The following ZNF493 variants were observed in gnomAD, a reference collection of about 807,000 sequenced individuals.
The protein encoded by ZNF493 is zinc finger protein 493.
In ZNF493, 11 loss-of-function variants were observed where a neutral mutation model predicts 12.2. That is an observed-to-expected ratio of 0.90 (90% CI 0.57 to 1.50). The LOEUF (loss-of-function observed/expected upper bound fraction) is 1.50, where lower values mean the gene tolerates loss of function less well. Among genes scored for constraint, ZNF493 ranks in the 40% most tolerant of loss-of-function variants. The probability of loss-of-function intolerance (pLI) is 0.00; values close to 1 mark genes in which losing one functional copy is unlikely to be tolerated. For missense variants in ZNF493, 950 were observed against 906.6 expected (o/e 1.05, Z -0.61); for synonymous variants, 286 against 302.6 (o/e 0.95, Z 0.57).
intron 3 of ZNF493, chr19:21,407,750 T>C (rs1329775383): frequency 2.0e-6 from 2 of 983,290 alleles, no homozygotes; most frequent in South Asian, 4.7e-5. Flanking sequence ...TGTAAGATTA[T>C]ATGTTCCTCA....
chr19:21,415,272 A>G (rs923312626), intron 3 of ZNF493, among the ~76,000 whole-genome samples: 3 of 152,160 alleles, frequency 2.0e-5, no homozygotes, highest in African/African-American at 7.2e-5. Context: ...ACTCTCCCTC[A>G]GCCTCCTTTG....
rs1177340086 is a variant in ZNF493 at position 21,427,005 on chromosome 19, CAT to C, written c.*2022_*2023del. On this transcript the variant is annotated 3_prime_UTR_variant, in exon 4 of 4. Transcript: ENST00000392288. ...GAAAAGCAAATGATGTAACTCAACT[CAT>C]TATTTTCTGCTGTTTCTTCATTCTT... 21 of 166,956 alleles carry C rather than the reference CAT, an allele frequency of 1.3e-4. No homozygotes were observed. The highest frequency in any genetic ancestry group is 2.6e-4 in the Non-Finnish European group (18 of 68,100). 10.3% of individuals were successfully genotyped at this position (166,956 alleles called of 1,614,324 possible).
In ZNF493 at chr19:21,423,185, C is replaced by T. The variant is rs2030735446; in HGVS notation, c.526C>T (p.His176Tyr). Reference sequence around the variant, plus strand: ...AAATTCAAATAGACATAACACAAAACATACTGGAAAGAAACCTTTCAAATG... The same window carrying T: ...AAATTCAAATAGACATAACACAAAATATACTGGAAAGAAACCTTTCAAATG... ...LLNSNRHNTK[H>Y]TGKKPFKCKK... is the part of the protein sequence containing the mutation. The change falls in exon 4 of 4, where the codon CAT becomes TAT. Residue 176 changes from histidine to tyrosine, a missense_variant. Transcript: ENST00000392288. 6.2e-7 allele frequency: 1 copy of T among 1,613,712 alleles called. No individual in the cohort carries two copies. The highest frequency in any genetic ancestry group is 8.5e-7 in the Non-Finnish European group (1 of 1,179,808).
intron 3 of ZNF493, among the ~76,000 whole-genome samples, chr19:21,421,192 G>T (rs897932944): frequency 1.4e-5 from 2 of 147,556 alleles, no homozygotes; most frequent in Admixed American, 6.8e-5. Flanking sequence ...CATTTTTCAA[G>T]ATTTTTCAGG....
At chr19:21,401,549 C>G (rs1324226690) in intron 1 of ZNF493, among the ~76,000 whole-genome samples, 2 of 151,952 alleles carry the variant, frequency 1.3e-5, no homozygotes, top group Non-Finnish European at 2.9e-5. Flanking sequence ...TACTTTACAT[C>G]TGGTAGAATT....
At chr19:21,413,041 G>T in intron 3 of ZNF493, 1 of 309,090 alleles carries the variant, frequency 3.2e-6, no homozygotes, top group Non-Finnish European at 6.2e-6. Context: ...GTGTGGCTGT[G>T]GCACACAGAC....
intron 3 of ZNF493, among the ~76,000 whole-genome samples, chr19:21,417,593 A>G (rs1227892510): frequency 6.6e-6 from 1 of 152,162 alleles, no homozygotes; most frequent in Non-Finnish European, 1.5e-5. Flanking sequence ...GAAGGGTATT[A>G]TTCTCCACAT....
intron 3 of ZNF493, among the ~76,000 whole-genome samples, chr19:21,419,296 C>CT (rs1599378412): frequency 6.9e-6 from 1 of 145,190 alleles, no homozygotes; most frequent in Non-Finnish European, 1.5e-5. Context: ...CAAACTACAA[C>CT]TTTTTTTGTC....
chr19:21,427,384 A>AC lies in ZNF493; in HGVS notation c.*2403dup, dbSNP rs2145319982. 1 of 154,280 alleles carries AC rather than the reference A, an allele frequency of 6.5e-6. No individual in the cohort carries two copies. The highest frequency in any genetic ancestry group is 6.5e-5 in the Admixed American group (1 of 15,290). 9.6% of individuals were successfully genotyped at this position (154,280 alleles called of 1,614,324 possible). A position where few individuals can be genotyped will look rare whatever the true frequency, so the allele number is the denominator to read the frequency against. On this transcript the variant is annotated 3_prime_UTR_variant, in exon 4 of 4. Coordinates refer to ENST00000392288, the MANE Select transcript of ZNF493 (RefSeq NM_001076678.3). Reference sequence around the variant, plus strand: ...TACATGTGCCATGCTGGTGCGCTGCACCCACTAACTCGTCATCTAGCATTA... The same window carrying AC: ...TACATGTGCCATGCTGGTGCGCTGCACCCCACTAACTCGTCATCTAGCATTA...
intron 3 of ZNF493, chr19:21,412,815 G>A (rs1225996922): frequency 3.2e-6 from 1 of 314,004 alleles, no homozygotes; most frequent in Non-Finnish European, 6.1e-6. Context: ...ACTTTGTAGA[G>A]TGTCTTTCTA....
Position 21,424,453 on chromosome 19 carries a change from G to T in ZNF493, c.1794G>T (p.Lys598Asn). The part of the protein sequence containing the change: ...LTKHKIIHTD[K>N]KPYKCEECGK... Reference sequence around the variant, plus strand: ...AACACAAGATAATTCATACTGATAAGAAACCCTACAAATGTGAAGAATGTG... The same window carrying T: ...AACACAAGATAATTCATACTGATAATAAACCCTACAAATGTGAAGAATGTG... Residue 598 changes from lysine (K) to asparagine (N), a missense_variant, in exon 4 of 4, where the codon AAG becomes AAT. Physicochemically the swap from Lys to Asn is moderately conservative, Grantham distance 94. Coordinates refer to ENST00000392288, the MANE Select transcript of ZNF493 (RefSeq NM_001076678.3). 1 of 1,608,010 alleles carries T rather than the reference G, an allele frequency of 6.2e-7. No homozygotes were observed. Among genetic ancestry groups the T allele is most frequent in the Non-Finnish European group, 8.5e-7 (1 of 1,178,440 alleles).
chr19:21,423,210 G>A lies in ZNF493; in HGVS notation c.551G>A (p.Cys184Tyr), dbSNP rs781584807. 1 of 1,613,734 alleles carries A rather than the reference G, an allele frequency of 6.2e-7. No individual in the cohort carries two copies. Among genetic ancestry groups the A allele is most frequent in the Middle Eastern group, 1.7e-4 (1 of 6,052 alleles). ...CATACTGGAAAGAAACCTTTCAAATGTAAAAAATGTGGCAAATCATTTTGC... is the reference window on the plus strand; with the variant it reads ...CATACTGGAAAGAAACCTTTCAAATATAAAAAATGTGGCAAATCATTTTGC... The part of the protein sequence containing the change: ...TKHTGKKPFK[C>Y]KKCGKSFCML... The change falls in exon 4 of 4, where the codon TGT becomes TAT. Residue 184 changes from cysteine to tyrosine, a missense_variant. Physicochemically the swap from Cys to Tyr is radical, Grantham distance 194. Coordinates refer to ENST00000392288, the MANE Select transcript of ZNF493 (RefSeq NM_001076678.3).
At chr19:21,422,840 A>G in intron 3 of ZNF493, 73 bp from the exon 4 acceptor site, 1 of 1,322,058 alleles carries the variant, frequency 7.6e-7, no homozygotes, top group Non-Finnish European at 1.0e-6. Context: ...GTATAATATT[A>G]TAGTTTAGAT....
chr19:21,413,407 A>T, intron 3 of ZNF493: 1 of 407,464 alleles, frequency 2.5e-6, no homozygotes, highest in Non-Finnish European at 4.3e-6. Context: ...AATGGTGATA[A>T]CTGCTATCAT....
chr19:21,403,819 G>T (rs1419063761), intron 1 of ZNF493, among the ~76,000 whole-genome samples: 1 of 150,078 alleles, frequency 6.7e-6, no homozygotes, highest in Admixed American at 6.7e-5. Context: ...GATAGTCAAG[G>T]GTCTCTGCAA....
At position 21,422,786 on chromosome 19, in the gene ZNF493, T is replaced by C. The variant is rs1320824745; in HGVS notation, c.254-127T>C. Reference sequence around the variant, plus strand: ...TATGTTTTCATTACATATAAAGAATTAGAGCCTTTGGTATTTTGCTATGCT... The same window carrying C: ...TATGTTTTCATTACATATAAAGAATCAGAGCCTTTGGTATTTTGCTATGCT... On this transcript the variant is annotated intron_variant, in intron 3 of 3. Coordinates refer to ENST00000392288, the MANE Select transcript of ZNF493 (RefSeq NM_001076678.3). 11 of 788,492 alleles carry C rather than the reference T, an allele frequency of 1.4e-5. 1 individual carries two copies. The African/African-American group carries it at 1.4e-4, about 10-fold the overall frequency. The allele number at this position is 788,492 out of a possible 1,614,324, so 48.8% of individuals were successfully genotyped here.
chr19:21,413,042 GCA>G (rs1372108498), intron 3 of ZNF493: 2 of 306,502 alleles, frequency 6.5e-6, no homozygotes, highest in African/African-American at 2.3e-5. Flanking sequence ...TGTGGCTGTG[GCA>G]CACAGACTGA....
At chr19:21,409,606 G>A (rs1055672852) in intron 3 of ZNF493, among the ~76,000 whole-genome samples, 1 of 152,030 alleles carries the variant, frequency 6.6e-6, no homozygotes, top group African/African-American at 2.4e-5. Flanking sequence ...ATAGCCAGGC[G>A]TGGTGGTATG....
At chr19:21,422,486 G>C (rs969823526) in intron 3 of ZNF493, among the ~76,000 whole-genome samples, 1 of 102,700 alleles carries the variant, frequency 9.7e-6, no homozygotes, top group Non-Finnish European at 1.9e-5. Flanking sequence ...TTTTTGAGAT[G>C]TATTCTCACT....
Sources: gnomAD v4.1 joint callset for allele counts (sites outside exome capture counted in the v4.1 genomes callset) on GRCh38, gnomAD v4.1.1 for gene constraint, MANE v1.5 for transcripts, NCBI Gene and HGNC (gene_info 2026-07-23, HGNC 2026-07-21) for gene names.